Variants in RANBP2 observed in about 807,000 individuals in gnomAD.
RANBP2 encodes the protein E3 SUMO-protein ligase RanBP2.
Under a neutral mutation model 303.6 loss-of-function variants are expected in RANBP2, and 57 were observed. The observed-to-expected ratio is 0.19, with a 90% CI of 0.15 to 0.23. The LOEUF (loss-of-function observed/expected upper bound fraction) is 0.23, where lower values mean the gene tolerates loss of function less well. Among genes scored for constraint, RANBP2 ranks in the 10% least tolerant of loss-of-function variants. RANBP2 has a pLI of 1.00. For missense variants in RANBP2, 3,138 were observed against 3,780.8 expected, an observed-to-expected ratio of 0.83 and a Z score of 4.46; for synonymous variants, 1,167 against 1,301.5, an observed-to-expected ratio of 0.90 and a Z score of 2.23.
chr2:109,681,121 A>G, the RANBP2 span, among the ~76,000 whole-genome samples: 3 of 152,204 alleles, frequency 2.0e-5, no homozygotes, highest in South Asian at 2.1e-4. Context: ...AGTCTTCTCG[A>G]TGCGGAGGAA....
chr2:109,115,930 C>A, the RANBP2 span, among the ~76,000 whole-genome samples: 17 of 152,336 alleles, frequency 1.1e-4, no homozygotes, highest in African/African-American at 3.8e-4. Flanking sequence ...GTTGAAAATT[C>A]TTTTCTTTAA....
In RANBP2 at chr2:108,761,035, G is replaced by C. The variant is rs529166659; in HGVS notation, c.2603-1066G>C. Among the ~76,000 whole-genome samples the C allele has an allele frequency of 4.6e-5, 7 of 150,956 alleles. No homozygotes were observed. The East Asian group carries it at 1.4e-3, about 29-fold the overall frequency. On this transcript the variant is annotated intron_variant, in intron 18 of 28. Transcript: ENST00000283195. Reference sequence around the variant, plus strand: ...GCTTTTAAAAGTTAGATTACTTTTAGTAGATTTATTAGAGCCGCACAGTTT... The same window carrying C: ...GCTTTTAAAAGTTAGATTACTTTTACTAGATTTATTAGAGCCGCACAGTTT...
the RANBP2 span, chr2:108,923,431 G>A: frequency 6.2e-7 from 1 of 1,614,174 alleles, no homozygotes; most frequent in South Asian, 1.1e-5. Context: ...ATGTTCCTCG[G>A]TCTGTTCTCC....
the RANBP2 span, among the ~76,000 whole-genome samples, chr2:108,966,297 T>C: frequency 7.3e-3 from 1,119 of 152,334 alleles, 8 homozygotes; most frequent in South Asian, 0.029. Context: ...AGTCAGATGA[T>C]CTTTGCAATT....
At chr2:108,793,140 G>A in the RANBP2 span, among the ~76,000 whole-genome samples, 4 of 150,718 alleles carry the variant, frequency 2.7e-5, no homozygotes, top group Non-Finnish European at 3.0e-5. Context: ...GGCGGATCAC[G>A]AGGTCAGGAG....
chr2:109,532,244 T>C, the RANBP2 span, among the ~76,000 whole-genome samples: 368 of 152,332 alleles, frequency 2.4e-3, 1 homozygote, highest in Non-Finnish European at 4.5e-3. Flanking sequence ...GAGGAAGATC[T>C]CTCTTCAATT....
the RANBP2 span, among the ~76,000 whole-genome samples, chr2:109,421,124 G>T: frequency 6.6e-6 from 1 of 152,182 alleles, no homozygotes; most frequent in Non-Finnish European, 1.5e-5. Context: ...AAAAGTGGGG[G>T]GTGATGGGGC....
At chr2:109,383,195 G>T in the RANBP2 span, among the ~76,000 whole-genome samples, 6 of 152,230 alleles carry the variant, frequency 3.9e-5, no homozygotes, top group Non-Finnish European at 7.3e-5. Context: ...TTGGCACTGG[G>T]TGCCTGTAGG....
At chr2:109,020,090 T>G in the RANBP2 span, among the ~76,000 whole-genome samples, 9 of 152,222 alleles carry the variant, frequency 5.9e-5, no homozygotes, top group Non-Finnish European at 1.3e-4. Flanking sequence ...ATTTTTCTTC[T>G]GATTGTTCGC....
chr2:108,786,129 CA>C (rs5833303), downstream of RANBP2, among the ~76,000 whole-genome samples: 29 of 143,934 alleles, frequency 2.0e-4, 1 homozygote, highest in South Asian at 1.8e-3. Context: ...TTTTTCTTTT[CA>C]AAAAAAAAAA....
At chr2:109,417,522 GCACAGGACCCTC>G in the RANBP2 span, among the ~76,000 whole-genome samples, 2 of 152,280 alleles carry the variant, frequency 1.3e-5, no homozygotes, top group Middle Eastern at 3.4e-3. Flanking sequence ...CATGAGGCAG[GCACAGGACCCTC>G]CACAGGACCC....
At chr2:108,868,906 AAAAAAATGAAATTTTTTTC>A in the RANBP2 span, among the ~76,000 whole-genome samples, 1 of 151,854 alleles carries the variant, frequency 6.6e-6, no homozygotes, top group East Asian at 1.9e-4. Flanking sequence ...TTTGTGAAAG[AAAAAAATGAAATTTTTTTC>A]TATTTGATTA....
chr2:108,788,739 A>T (rs536680123), downstream of RANBP2: 1 of 1,436,890 alleles, frequency 7.0e-7, no homozygotes. Context: ...AAAAGAAAAA[A>T]AAATTTGAGA....
the RANBP2 span, among the ~76,000 whole-genome samples, chr2:109,679,292 C>T: frequency 1.3e-5 from 2 of 152,198 alleles, no homozygotes; most frequent in African/African-American, 2.4e-5. Context: ...TCACATTTTT[C>T]ACAGCTTTGC....
intron 4 of RANBP2, among the ~76,000 whole-genome samples, chr2:108,733,358 C>T (rs542610214): frequency 4.1e-5 from 6 of 148,134 alleles, no homozygotes; most frequent in Admixed American, 3.4e-4. Context: ...TTCTGCCTCC[C>T]GGGTTCTCAG....
the RANBP2 span, among the ~76,000 whole-genome samples, chr2:109,455,501 A>G: frequency 6.7e-6 from 1 of 149,424 alleles, no homozygotes. Flanking sequence ...CCCATTAAAT[A>G]TATGTATATC....
chr2:109,155,720 G>C, the RANBP2 span, among the ~76,000 whole-genome samples: 1 of 152,184 alleles, frequency 6.6e-6, no homozygotes, highest in African/African-American at 2.4e-5. Context: ...AGGGTTTCTA[G>C]CAGTACTTGA....
the RANBP2 span, among the ~76,000 whole-genome samples, chr2:109,720,322 A>C: frequency 6.6e-6 from 1 of 152,062 alleles, no homozygotes; most frequent in Non-Finnish European, 1.5e-5. Context: ...CCCTTCAGTG[A>C]CACAGCATCA....
the RANBP2 span, among the ~76,000 whole-genome samples, chr2:108,907,210 G>T: frequency 2.6e-5 from 4 of 152,374 alleles, no homozygotes; most frequent in East Asian, 7.7e-4. Context: ...AACGTTGTGT[G>T]TGTGTGTGTC....
Sources: allele counts gnomAD v4.1 joint callset (sites outside exome capture counted in the v4.1 genomes callset), GRCh38; gene constraint gnomAD v4.1.1; transcripts MANE v1.5; gene names NCBI Gene and HGNC (gene_info 2026-07-23, HGNC 2026-07-21).